IL19: variants seen among roughly 807,000 people sequenced by gnomAD.
IL19 encodes the protein interleukin-19.
IL19 carries 15 observed loss-of-function variants against 19.5 expected under a neutral mutation model. The observed-to-expected ratio is 0.77, with a 90% CI of 0.52 to 1.19. The LOEUF (loss-of-function observed/expected upper bound fraction) is 1.19, where lower values mean the gene tolerates loss of function less well. IL19 is among the 50% of genes most tolerant of loss of function. The probability of loss-of-function intolerance (pLI) is 0.00; values close to 1 mark genes in which losing one functional copy is unlikely to be tolerated. For missense variants in IL19, 199 were observed against 213.1 expected, an observed-to-expected ratio of 0.93 and a Z score of 0.41; for synonymous variants, 78 against 78.3, an observed-to-expected ratio of 1.00 and a Z score of 0.02.
At chr1:206,775,482 G>A (rs931836067) in intron 1 of IL19, among the ~76,000 whole-genome samples, 6 of 152,188 alleles carry the variant, frequency 3.9e-5, no homozygotes, top group African/African-American at 7.2e-5. Flanking sequence ...GAATTTAAGT[G>A]GTTGGAGAGA....
At chr1:206,803,626 C>T (rs989067658) in intron 2 of IL19, among the ~76,000 whole-genome samples, 3 of 152,128 alleles carry the variant, frequency 2.0e-5, no homozygotes, top group African/African-American at 7.2e-5. Flanking sequence ...AAGGATTATT[C>T]CCCTGGGGGC....
At chr1:206,826,540 C>A (rs945313268) in intron 2 of IL19, among the ~76,000 whole-genome samples, 10 of 152,200 alleles carry the variant, frequency 6.6e-5, no homozygotes, top group Admixed American at 2.0e-4. Flanking sequence ...TCTCACTCTG[C>A]CACCTGCTTT....
intron 1 of IL19, among the ~76,000 whole-genome samples, chr1:206,786,340 A>G (rs12127370): frequency 0.052 from 7,878 of 152,282 alleles, 243 homozygotes; most frequent in Middle Eastern, 0.065. Context: ...GACAGCTATG[A>G]CTGTTGATAT....
intron 1 of IL19, among the ~76,000 whole-genome samples, chr1:206,779,039 C>T (rs1476892836): frequency 1.3e-5 from 2 of 152,122 alleles, no homozygotes; most frequent in South Asian, 2.1e-4. Flanking sequence ...TAAAACCGCT[C>T]GTGGCCTTTG....
intron 1 of IL19, among the ~76,000 whole-genome samples, chr1:206,771,621 T>C (rs1169132707): frequency 6.6e-6 from 1 of 152,060 alleles, no homozygotes; most frequent in Admixed American, 6.5e-5. Context: ...CAGAGTCAAG[T>C]TATTTAAAAA....
intron 2 of IL19, among the ~76,000 whole-genome samples, chr1:206,836,418 G>A (rs543936390): frequency 8.0e-5 from 12 of 150,180 alleles, no homozygotes; most frequent in African/African-American, 1.2e-4. Context: ...GTGGTGTATC[G>A]TGTTTTCTGG....
At chr1:206,773,622 G>GTGTGTA in intron 1 of IL19, among the ~76,000 whole-genome samples, 1 of 151,500 alleles carries the variant, frequency 6.6e-6, no homozygotes, top group Non-Finnish European at 1.5e-5. Flanking sequence ...GTGTGTGTGT[G>GTGTGTA]TGTGTGTGTA....
At chr1:206,797,726 G>A (rs1183318005) in intron 1 of IL19, among the ~76,000 whole-genome samples, 2 of 152,152 alleles carry the variant, frequency 1.3e-5, no homozygotes, top group South Asian at 2.1e-4. Context: ...ACAGCAGCTG[G>A]CCATTTCAGA....
rs1051284796 is a variant in IL19, at chr1:206,800,012, A to T, written c.-3+1006A>T. 4.6e-5 allele frequency among the ~76,000 whole-genome samples: 7 copies of T among 152,240 alleles called. No individual in the cohort carries two copies. The East Asian group carries it at 1.3e-3, about 29-fold the overall frequency. ...TATTTCACAGCTTGCACAAAAAAAG[A>T]TATATTTAATAATTATCCAAAGTCA... On this transcript the variant is annotated intron_variant, in intron 2 of 6. Transcript: ENST00000659997.
intron 1 of IL19, 181 bp downstream of exon 1, chr1:206,771,259 C>A (rs534191384): frequency 1.6e-6 from 2 of 1,263,844 alleles, no homozygotes; most frequent in East Asian, 2.3e-5. Flanking sequence ...CTTTTCAAAG[C>A]GAAGGAAACA....
In IL19 at chr1:206,839,851, C is replaced by A; in HGVS notation, c.212C>A (p.Pro71His). 2 of 1,612,162 alleles carry A rather than the reference C, an allele frequency of 1.2e-6. No individual in the cohort carries two copies. Among genetic ancestry groups the A allele is most frequent in the Non-Finnish European group, 1.7e-6 (2 of 1,179,008 alleles). The change falls in exon 5 of 7, where the codon CCC becomes CAC. Residue 71 changes from proline to histidine, a missense_variant and splice_region_variant. Coordinates refer to ENST00000659997, the MANE Select transcript of IL19 (RefSeq NM_153758.5). ...TGTTTCCCTAATTTGTGTTTGTAGC[C>A]CTTAGATGTGTGCTGCGTGACCAAG... ...STLETLQIIK[P>H]LDVCCVTKNL...
intron 4 of IL19, among the ~76,000 whole-genome samples, chr1:206,837,718 G>A (rs1004540243): frequency 7.2e-5 from 11 of 152,156 alleles, no homozygotes; most frequent in Non-Finnish European, 1.5e-4. Flanking sequence ...AGGGCATAGT[G>A]GCATGCAACT....
chr1:206,774,224 T>C (rs1298589606), intron 1 of IL19, among the ~76,000 whole-genome samples: 1 of 152,180 alleles, frequency 6.6e-6, no homozygotes, highest in Non-Finnish European at 1.5e-5. Flanking sequence ...CAGGGGACTG[T>C]GGTGTCTCTT....
chr1:206,797,062 T>C (rs1354888377), intron 1 of IL19, among the ~76,000 whole-genome samples: 2 of 152,164 alleles, frequency 1.3e-5, no homozygotes, highest in East Asian at 3.8e-4. Context: ...CTTCCCTGAC[T>C]CCTTCGCTGG....
intron 2 of IL19, among the ~76,000 whole-genome samples, chr1:206,814,959 A>G (rs570921009): frequency 6.6e-6 from 1 of 152,328 alleles, no homozygotes; most frequent in South Asian, 2.1e-4. Flanking sequence ...ACCTAAAACA[A>G]CAACAATCAT....
intron 1 of IL19, among the ~76,000 whole-genome samples, chr1:206,789,744 A>G (rs992814913): frequency 3.3e-5 from 5 of 152,048 alleles, no homozygotes; most frequent in Admixed American, 6.6e-5. Context: ...CCACCCTCCA[A>G]TAGGCCCAGT....
intron 2 of IL19, 115 bp downstream of exon 2, chr1:206,799,121 A>G: frequency 1.3e-6 from 1 of 746,958 alleles, no homozygotes; most frequent in Non-Finnish European, 2.3e-6. Flanking sequence ...ATGAACTGAC[A>G]GGACTGCCTT....
chr1:206,771,226 G>A, intron 1 of IL19, 148 bp downstream of exon 1: 1 of 1,144,378 alleles, frequency 8.7e-7, no homozygotes, highest in Non-Finnish European at 1.3e-6. Context: ...TGGATGTGCT[G>A]AGTTAACATC....
intron 2 of IL19, among the ~76,000 whole-genome samples, chr1:206,832,747 A>T (rs1460259841): frequency 6.6e-6 from 1 of 152,210 alleles, no homozygotes; most frequent in African/African-American, 2.4e-5. Flanking sequence ...GATAAGGAAG[A>T]AGAGAAGAGA....
Sources: gnomAD v4.1 joint callset for allele counts (sites outside exome capture counted in the v4.1 genomes callset) on GRCh38, gnomAD v4.1.1 for gene constraint, MANE v1.5 for transcripts, NCBI Gene and HGNC (gene_info 2026-07-23, HGNC 2026-07-21) for gene names.